Variants in LPP observed in about 807,000 individuals in gnomAD.
LPP encodes lipoma-preferred partner.
In LPP, 38 loss-of-function variants were observed where a neutral mutation model predicts 60.4. The observed-to-expected ratio is 0.63, with a 90% CI of 0.49 to 0.83. The LOEUF (loss-of-function observed/expected upper bound fraction) is 0.83, where lower values mean the gene tolerates loss of function less well. Ranked by LOEUF, LPP falls within the 40% of genes least tolerant of loss-of-function variation. The pLI is 0.00. For missense variants in LPP, 902 were observed against 783.6 expected, an observed-to-expected ratio of 1.15 and a Z score of -1.80; for synonymous variants, 328 against 290.8, an observed-to-expected ratio of 1.13 and a Z score of -1.30.
chr3:188,345,497 G>C (rs1206615154), intron 3 of LPP, among the ~76,000 whole-genome samples: 1 of 151,830 alleles, frequency 6.6e-6, no homozygotes, highest in Non-Finnish European at 1.5e-5. Context: ...CATTGTTGGG[G>C]AACATTAAAA....
chr3:188,466,841 A>ATATATATATATATATATATATATATATT (rs1560442091), intron 4 of LPP, among the ~76,000 whole-genome samples: 1 of 138,162 alleles, frequency 7.2e-6, no homozygotes, highest in African/African-American at 2.7e-5. Context: ...ATATATATAT[A>ATATATATATATATATATATATATATATT]TGCTGTGTAA....
intron 9 of LPP, among the ~76,000 whole-genome samples, chr3:188,813,009 A>C (rs1300015071): frequency 6.6e-6 from 1 of 152,186 alleles, no homozygotes; most frequent in Non-Finnish European, 1.5e-5. Flanking sequence ...TATGAACAAA[A>C]TATAGCTTCT....
intron 4 of LPP, among the ~76,000 whole-genome samples, chr3:188,467,376 C>T (rs137964726): frequency 7.9e-5 from 12 of 152,090 alleles, no homozygotes; most frequent in African/African-American, 2.9e-4. Flanking sequence ...ACGATGAATA[C>T]AAGAACTTTT....
At chr3:188,368,663 T>G (rs1045592599) in intron 3 of LPP, among the ~76,000 whole-genome samples, 31 of 139,216 alleles carry the variant, frequency 2.2e-4, no homozygotes, top group African/African-American at 8.3e-4. Flanking sequence ...ACTGTTATAC[T>G]ACAAACACAC....
intron 7 of LPP, among the ~76,000 whole-genome samples, chr3:188,613,695 C>T (rs188696001): frequency 1.9e-4 from 29 of 152,036 alleles, no homozygotes; most frequent in African/African-American, 6.7e-4. Context: ...TTTTTCTTTT[C>T]CAGAATTAGA....
At chr3:188,229,076 C>T (rs1718899267) in intron 2 of LPP, among the ~76,000 whole-genome samples, 1 of 152,226 alleles carries the variant, frequency 6.6e-6, no homozygotes, top group Non-Finnish European at 1.5e-5. Flanking sequence ...AACTCGTCCT[C>T]AGTCCTGCAG....
At chr3:188,270,350 T>C (rs534105767) in intron 2 of LPP, among the ~76,000 whole-genome samples, 9 of 151,894 alleles carry the variant, frequency 5.9e-5, no homozygotes, top group Non-Finnish European at 8.8e-5. Context: ...GCCTCTTACG[T>C]GTGTTAAACT....
chr3:188,765,768 C>T (rs1322193835), intron 9 of LPP, among the ~76,000 whole-genome samples: 3 of 151,026 alleles, frequency 2.0e-5, no homozygotes, highest in Non-Finnish European at 4.4e-5. Context: ...ACTCAAACTC[C>T]TGGGATAAAA....
chr3:188,760,318 A>C (rs1255085915), intron 9 of LPP, 36 bp downstream of exon 9: 5 of 1,611,190 alleles, frequency 3.1e-6, no homozygotes, highest in Non-Finnish European at 4.2e-6. Context: ...CACTTTGCAA[A>C]GATGTCTTCT....
chr3:188,825,899 C>T (rs933780187), intron 9 of LPP, among the ~76,000 whole-genome samples: 2 of 152,032 alleles, frequency 1.3e-5, no homozygotes, highest in Non-Finnish European at 2.9e-5. Context: ...AGACGTAGGA[C>T]ACGTTTTTTT....
At chr3:188,322,163 A>G (rs2150390930) in intron 2 of LPP, among the ~76,000 whole-genome samples, 1 of 152,302 alleles carries the variant, frequency 6.6e-6, no homozygotes, top group South Asian at 2.1e-4. Context: ...GATCCTTTCC[A>G]ACATTTAATC....
chr3:188,827,270 A>T (rs963301114), intron 9 of LPP, among the ~76,000 whole-genome samples: 1 of 152,206 alleles, frequency 6.6e-6, no homozygotes, highest in Non-Finnish European at 1.5e-5. Flanking sequence ...CTGACATCCA[A>T]CACCACATGT....
At chr3:188,364,128 C>T (rs1203715454) in intron 3 of LPP, among the ~76,000 whole-genome samples, 1 of 152,158 alleles carries the variant, frequency 6.6e-6, no homozygotes. Flanking sequence ...TCAAGGATTA[C>T]TTTGGGGATT....
At chr3:188,511,347 C>G (rs376716756) in intron 5 of LPP, among the ~76,000 whole-genome samples, 1 of 142,494 alleles carries the variant, frequency 7.0e-6, no homozygotes, top group East Asian at 2.2e-4. Context: ...CCTTGTCCCT[C>G]TTGCCTGAAC....
intron 2 of LPP, among the ~76,000 whole-genome samples, chr3:188,296,037 G>A (rs1201757307): frequency 2.0e-5 from 3 of 152,116 alleles, no homozygotes; most frequent in Non-Finnish European, 4.4e-5. Context: ...ATTCCTTTGA[G>A]CACAGACCCT....
intron 4 of LPP, among the ~76,000 whole-genome samples, chr3:188,466,144 T>A (rs2114239): frequency 0.47 from 71,939 of 151,878 alleles, 17,463 homozygotes; most frequent in African/African-American, 0.56. Context: ...CAGTAGAATA[T>A]AACTTTGTGG....
chr3:188,807,021 T>C (rs1749355751), intron 9 of LPP, among the ~76,000 whole-genome samples: 2 of 151,834 alleles, frequency 1.3e-5, no homozygotes, highest in African/African-American at 4.8e-5. Context: ...CCGTATTCCT[T>C]CTGCTTGAAG....
At chr3:188,341,824 C>G (rs537589367) in intron 3 of LPP, 105 bp downstream of exon 3, 17 of 319,404 alleles carry the variant, frequency 5.3e-5, no homozygotes, top group Non-Finnish European at 7.2e-5. Flanking sequence ...ATACAAAGTA[C>G]TTTATGAGGA....
chr3:188,762,725 C>G (rs187461395), intron 9 of LPP, among the ~76,000 whole-genome samples: 14 of 151,704 alleles, frequency 9.2e-5, no homozygotes, highest in East Asian at 3.9e-4. Context: ...TAATCGCGTA[C>G]TTGGAAGAAC....
Sources: allele counts gnomAD v4.1 joint callset (sites outside exome capture counted in the v4.1 genomes callset), GRCh38; gene constraint gnomAD v4.1.1; transcripts MANE v1.5; gene names NCBI Gene and HGNC (gene_info 2026-07-23, HGNC 2026-07-21).